Variants in PLS3 observed in about 807,000 individuals in gnomAD.
PLS3 encodes the protein plastin 3, also known as plastin-3.
Under a neutral mutation model 46.5 loss-of-function variants are expected in PLS3, and 11 were observed. The observed-to-expected ratio is 0.24, with a 90% confidence interval of 0.15 to 0.39. The LOEUF (loss-of-function observed/expected upper bound fraction) is 0.39, where lower values mean the gene tolerates loss of function less well. Ranked by LOEUF, PLS3 falls within the 10% of genes least tolerant of loss-of-function variation. The pLI, the probability that PLS3 is intolerant of heterozygous loss-of-function variation, is 1.00. For synonymous variants in PLS3, 167 were observed against 162.2 expected (o/e 1.03, Z -0.22); for missense variants, 308 against 461.8 (o/e 0.67, Z 3.05).
At chrX:115,572,556 A>G (rs1489547767) in intron 1 of PLS3, among the ~76,000 whole-genome samples, 3 of 111,276 alleles carry the variant, frequency 2.7e-5, no homozygotes, top group African/African-American at 6.6e-5. Flanking sequence ...GTTCTTAAGT[A>G]TATATTAAGA....
intron 6 of PLS3, 109 bp downstream of exon 6, chrX:115,634,190 T>C: frequency 2.1e-6 from 1 of 484,898 alleles, no homozygotes; most frequent in South Asian, 3.8e-5. Flanking sequence ...TTGTAAAAAC[T>C]GTTGAGTGTG....
intron 1 of PLS3, among the ~76,000 whole-genome samples, chrX:115,567,248 G>A (rs1367871455): frequency 9.0e-6 from 1 of 111,352 alleles, no homozygotes; most frequent in East Asian, 2.8e-4. Flanking sequence ...ACGCAGGTCT[G>A]GGAAACTGCA....
chrX:115,571,153 A>T (rs2074213033), intron 1 of PLS3, among the ~76,000 whole-genome samples: 1 of 109,636 alleles, frequency 9.1e-6, no homozygotes. Flanking sequence ...TCGGCCTCCC[A>T]AAGTGTTGGG....
At chrX:115,571,427 A>G (rs977201267) in intron 1 of PLS3, among the ~76,000 whole-genome samples, 2 of 110,709 alleles carry the variant, frequency 1.8e-5, no homozygotes, top group Non-Finnish European at 3.8e-5. Context: ...CTGAGGCACA[A>G]GAATCCCTCG....
At chrX:115,605,565 C>CCCA (rs2074482850) in intron 1 of PLS3, among the ~76,000 whole-genome samples, 1 of 111,486 alleles carries the variant, frequency 9.0e-6, no homozygotes, top group Admixed American at 9.6e-5. Context: ...AATCGGTCCT[C>CCCA]CCACCTCAGT....
intron 9 of PLS3, among the ~76,000 whole-genome samples, chrX:115,642,655 C>G (rs2074910227): frequency 9.0e-6 from 1 of 111,160 alleles, no homozygotes; most frequent in African/African-American, 3.3e-5. Context: ...TGAAGTTCAG[C>G]TGAGAGCCAG....
intron 7 of PLS3, among the ~76,000 whole-genome samples, chrX:115,635,667 A>G (rs1243887718): frequency 3.9e-5 from 4 of 101,632 alleles, no homozygotes; most frequent in African/African-American, 1.2e-4. Context: ...AAAAAAAAAA[A>G]AAGAAAGAAA....
Position 115,644,871 on chromosome X carries a change from A to G in PLS3, c.1184-150A>G, listed in dbSNP as rs2074935078. ...ATAAGCCTGTACCTAGAGAGAATGTATGTACTTAGAAGAATGCTTGGAAAC... is the reference window on the plus strand; with the variant it reads ...ATAAGCCTGTACCTAGAGAGAATGTGTGTACTTAGAAGAATGCTTGGAAAC... On this transcript the variant is annotated intron_variant, in intron 10 of 15. Transcript: ENST00000355899. The G allele has an allele frequency of 2.0e-5, 8 of 392,759 alleles. No individual in the cohort carries two copies. In the South Asian group the frequency reaches 2.9e-4, roughly 14 times the overall value. The allele number at this position is 392,759 out of a possible 1,213,427, so 32.4% of individuals were successfully genotyped here.
chrX:115,630,884 T>C (rs1225637496), intron 5 of PLS3, among the ~76,000 whole-genome samples: 2 of 96,076 alleles, frequency 2.1e-5, no homozygotes, highest in Non-Finnish European at 4.0e-5. Context: ...TATGTATATA[T>C]ATGTATAATA....
At chrX:115,646,992 G>T (rs782394796) in intron 13 of PLS3, among the ~76,000 whole-genome samples, 1 of 112,009 alleles carries the variant, frequency 8.9e-6, no homozygotes, top group Non-Finnish European at 1.9e-5. Context: ...TGCCTACAGT[G>T]GGCTGTTGGA....
chrX:115,610,838 G>T, intron 2 of PLS3: 1 of 1,093,620 alleles, frequency 9.1e-7, no homozygotes, highest in Non-Finnish European at 1.2e-6. Flanking sequence ...TATAGCTTCA[G>T]TATAAGATGA....
chrX:115,633,528 T>C (rs1556639722), intron 5 of PLS3, among the ~76,000 whole-genome samples: 1 of 110,997 alleles, frequency 9.0e-6, no homozygotes, highest in Non-Finnish European at 1.9e-5. Flanking sequence ...TCTTGCTCTG[T>C]TGCCCAGGCT....
intron 1 of PLS3, chrX:115,562,746 C>G (rs2074147945): frequency 9.0e-6 from 1 of 110,625 alleles, no homozygotes; most frequent in Non-Finnish European, 1.9e-5. Context: ...ATCACGTGCC[C>G]CAAGTCTCTG....
intron 9 of PLS3, 123 bp downstream of exon 9, chrX:115,640,626 G>A (rs1318036774): frequency 1.4e-5 from 6 of 422,731 alleles, no homozygotes; most frequent in African/African-American, 1.2e-4. Context: ...ATTTTAAAAT[G>A]TATTACTGTA....
Position 115,610,805 on chromosome X carries a change from C to T in PLS3, c.73+482C>T, listed in dbSNP as rs1168887988. On this transcript the variant is annotated intron_variant, in intron 2 of 15. Coordinates refer to ENST00000355899, the MANE Select transcript of PLS3 (RefSeq NM_005032.7). Reference sequence around the variant, plus strand: ...TTCTGTGCCTTTGGTTACTGCAGATCGTTCTACCTCGCCACGTTAAATTAT... The same window carrying T: ...TTCTGTGCCTTTGGTTACTGCAGATTGTTCTACCTCGCCACGTTAAATTAT... 30 of 961,118 alleles carry T rather than the reference C, an allele frequency of 3.1e-5. 1 individual carries two copies. Among genetic ancestry groups the T allele is most frequent in the Non-Finnish European group, 5.4e-6 (4 of 737,639 alleles). 79.2% of individuals were successfully genotyped at this position (961,118 alleles called of 1,213,427 possible).
At chrX:115,582,063 A>C (rs1166306050) in intron 1 of PLS3, among the ~76,000 whole-genome samples, 5 of 112,260 alleles carry the variant, frequency 4.5e-5, no homozygotes, top group Non-Finnish European at 9.4e-5. Context: ...ATATATCCAG[A>C]TTTCTTTCTT....
intron 1 of PLS3, among the ~76,000 whole-genome samples, chrX:115,578,218 C>T: frequency 9.0e-6 from 1 of 111,691 alleles, no homozygotes; most frequent in Non-Finnish European, 1.9e-5. Flanking sequence ...GGAGAAGTGT[C>T]ACTTGAACAA....
intron 1 of PLS3, among the ~76,000 whole-genome samples, chrX:115,566,823 C>T (rs1417839109): frequency 1.8e-5 from 2 of 110,706 alleles, no homozygotes; most frequent in Non-Finnish European, 3.8e-5. Context: ...GGATTACAGG[C>T]GCGTACCACC....
Position 115,622,335 on chromosome X carries a change from G to T in PLS3, c.163G>T (p.Glu55Ter). The T allele has an allele frequency of 8.4e-7, 1 of 1,193,473 alleles. No homozygotes were observed. The highest frequency in any genetic ancestry group is 1.8e-5 in the South Asian group (1 of 55,289). The change falls in exon 3 of 16, where the codon GAA becomes TAA. Residue 55 changes from glutamate (E) to a stop codon, truncating the protein, a stop_gained. Coordinates refer to ENST00000355899, the MANE Select transcript of PLS3 (RefSeq NM_005032.7). LOFTEE classifies it high-confidence loss of function. ...NMPLPGYKVREIIQKLMLDGD... is the reference protein window; with the variant it reads ...NMPLPGYKVR ...GCCATTACCAGGATATAAAGTGAGA[G>T]AAATTATTCAGAAACTCATGCTGGA...
Sources: allele counts gnomAD v4.1 joint callset (sites outside exome capture counted in the v4.1 genomes callset), GRCh38; gene constraint gnomAD v4.1.1; transcripts MANE v1.5; gene names NCBI Gene and HGNC (gene_info 2026-07-23, HGNC 2026-07-21).